BLK: variants seen among roughly 807,000 people sequenced by gnomAD.
BLK encodes tyrosine-protein kinase Blk.
A neutral mutation model predicts 61.8 loss-of-function variants in BLK; 64 were observed. The ratio of observed to expected loss-of-function variants is 1.03; its 90% CI spans 0.85 to 1.27. The LOEUF is 1.27. Ranked by LOEUF, BLK falls within the 50% of genes most tolerant of loss-of-function variation. BLK has a pLI of 0.00. For synonymous variants in BLK, 351 were observed against 272.0 expected (o/e 1.29, Z -2.86); for missense variants, 853 against 660.5 (o/e 1.29, Z -3.19).
intron 1 of BLK, among the ~76,000 whole-genome samples, chr8:11,515,473 C>T (rs747722243): frequency 3.3e-5 from 5 of 152,114 alleles, no homozygotes; most frequent in African/African-American, 4.8e-5. Flanking sequence ...AAGCAGCCGG[C>T]GCACAGGGGT....
chr8:11,508,416 C>T (rs191404481), intron 1 of BLK, among the ~76,000 whole-genome samples: 1 of 152,366 alleles, frequency 6.6e-6, no homozygotes, highest in African/African-American at 2.4e-5. Context: ...CGCTAGGGGG[C>T]TCTGGCACAA....
At chr8:11,510,987 G>C (rs184133755) in intron 1 of BLK, among the ~76,000 whole-genome samples, 4 of 152,158 alleles carry the variant, frequency 2.6e-5, no homozygotes, top group Admixed American at 1.3e-4. Flanking sequence ...ATCCCCGTAA[G>C]CTTTGCATTT....
At chr8:11,528,893 T>TG (rs1315751740) in intron 1 of BLK, among the ~76,000 whole-genome samples, 1 of 152,100 alleles carries the variant, frequency 6.6e-6, no homozygotes, top group East Asian at 1.9e-4. Flanking sequence ...AAGTGGGAGC[T>TG]GAACGGTGAG....
Position 11,556,778 on chromosome 8 carries a change from G to A in BLK, c.893G>A (p.Arg298Gln), listed in dbSNP as rs769774070. 9.3e-6 allele frequency: 15 copies of A among 1,614,078 alleles called. No individual in the cohort carries two copies. Among genetic ancestry groups the A allele is most frequent in the Middle Eastern group, 3.3e-4 (2 of 6,082 alleles). ...MKALQHERLVRLYAVVTKEPI... is the reference protein window; with the variant it reads ...MKALQHERLVQLYAVVTKEPI... ...GCTCTGCAGCACGAGCGGCTGGTCC[G>A]ACTCTACGCAGTGGTCACCAAGGAG... The change falls in exon 9 of 13, where the codon CGA becomes CAA. Residue 298 changes from arginine to glutamine, a missense_variant. Arg to Gln is a conservative substitution (Grantham distance 43, BLOSUM62 1). Transcript: ENST00000259089.
At position 11,495,339 on chromosome 8, in the gene BLK, G is replaced by A. The variant is rs546948027; in HGVS notation, c.-2+748G>A. Among the ~76,000 whole-genome samples, 12 of 152,254 alleles carry A rather than the reference G, an allele frequency of 7.9e-5. No homozygotes were observed. The South Asian group carries it at 1.5e-3, about 18-fold the overall frequency. ...GTAACAGAAGAAATTGCTGTGATAT[G>A]TGCATATCCTCCTCCCTCGGGAGAG... is the stretch of plus-strand genomic sequence containing the variant. On this transcript the variant is annotated intron_variant, in intron 1 of 12. Transcript: ENST00000259089.
At chr8:11,531,144 C>T (rs2264866) in intron 1 of BLK, among the ~76,000 whole-genome samples, 46,261 of 152,070 alleles carry the variant, frequency 0.3, 7,437 homozygotes, top group African/African-American at 0.38. Flanking sequence ...GCTGTCTTCT[C>T]TGTTCAACTG....
chr8:11,555,583 C>A (rs1278405448), intron 8 of BLK, 99 bp downstream of exon 8: 2 of 1,561,070 alleles, frequency 1.3e-6, no homozygotes, highest in East Asian at 2.3e-5. Context: ...ATCCCTCCCC[C>A]AGAAGTCTTG....
At chr8:11,513,415 C>T (rs1799100457) in intron 1 of BLK, among the ~76,000 whole-genome samples, 1 of 152,196 alleles carries the variant, frequency 6.6e-6, no homozygotes, top group Non-Finnish European at 1.5e-5. Flanking sequence ...CTGTGTTACC[C>T]CCAGGCTCCT....
chr8:11,563,841 G>C (rs1801601335), intron 12 of BLK, 62 bp from the exon 13 acceptor site: 4 of 1,506,098 alleles, frequency 2.7e-6, no homozygotes, highest in Non-Finnish European at 3.6e-6. Context: ...GGGACGCTCA[G>C]GGCCCCCCAC....
At position 11,546,037 on chromosome 8, in the gene BLK, T is replaced by A; in HGVS notation, c.124-15T>A. 6.2e-7 allele frequency: 1 copy of A among 1,614,000 alleles called. No individual in the cohort carries two copies. Among genetic ancestry groups the A allele is most frequent in the Non-Finnish European group, 8.5e-7 (1 of 1,179,858 alleles). ...CAGGGACTGAAATAACTCAAGTGTG[T>A]GTTTTCTACCCAAGGTTGTCTTCAA... On this transcript the variant is annotated splice_polypyrimidine_tract_variant and intron_variant, in intron 2 of 12. Coordinates refer to ENST00000259089, the MANE Select transcript of BLK (RefSeq NM_001715.3).
intron 1 of BLK, among the ~76,000 whole-genome samples, chr8:11,517,063 A>G (rs1799258989): frequency 6.6e-6 from 1 of 152,200 alleles, no homozygotes; most frequent in Non-Finnish European, 1.5e-5. Context: ...TAGGGAAGCG[A>G]TGTGATGGGA....
intron 1 of BLK, among the ~76,000 whole-genome samples, chr8:11,535,043 C>T (rs547279733): frequency 2.6e-5 from 4 of 151,870 alleles, no homozygotes; most frequent in African/African-American, 7.3e-5. Context: ...CCAGGCATGG[C>T]AGCACGTGCC....
chr8:11,541,446 G>C (rs1159964526), intron 1 of BLK, among the ~76,000 whole-genome samples: 1 of 151,618 alleles, frequency 6.6e-6, no homozygotes, highest in Admixed American at 6.6e-5. Context: ...ATATTGTATA[G>C]GCACCTGCTA....
chr8:11,518,378 G>A (rs959682344), intron 1 of BLK, among the ~76,000 whole-genome samples: 3 of 152,106 alleles, frequency 2.0e-5, no homozygotes, highest in Admixed American at 1.3e-4. Context: ...GTAGATGCCC[G>A]CTAGATACTG....
intron 1 of BLK, among the ~76,000 whole-genome samples, chr8:11,525,972 C>T (rs1799638023): frequency 1.3e-5 from 2 of 152,262 alleles, no homozygotes; most frequent in South Asian, 4.1e-4. Flanking sequence ...AGGGTTTCAC[C>T]ATGTTGCCCA....
In BLK at chr8:11,506,940, G is replaced by T. The variant is rs1223450950; in HGVS notation, c.-2+12349G>T. Among the ~76,000 whole-genome samples, 2 of 152,232 alleles carry T rather than the reference G, an allele frequency of 1.3e-5. 1 individual carries two copies. The highest frequency in any genetic ancestry group is 3.8e-4 in the East Asian group (2 of 5,200). On this transcript the variant is annotated intron_variant, in intron 1 of 12. Coordinates refer to ENST00000259089, the MANE Select transcript of BLK (RefSeq NM_001715.3). ...TGCATCACGGGCTGAAAGCAGGAAA[G>T]TTCTTTTGTCTCTCTTTCTGCTTTC...
intron 1 of BLK, among the ~76,000 whole-genome samples, chr8:11,497,040 C>T (rs1241627209): frequency 6.6e-6 from 1 of 152,124 alleles, no homozygotes; most frequent in Non-Finnish European, 1.5e-5. Context: ...AACCTGGCCC[C>T]TCTTGCAGGC....
chr8:11,515,115 C>T (rs576263067), intron 1 of BLK, among the ~76,000 whole-genome samples: 1 of 152,322 alleles, frequency 6.6e-6, no homozygotes, highest in East Asian at 1.9e-4. Context: ...CAAGAACTTT[C>T]AGGGTTTTGC....
rs1291970052 is a variant in BLK, at chr8:11,555,491, G to A, written c.772+7G>A. ...TTCGGCGAAGTCTGGATGGGTGAGTGTGTGCACACGTGGGAGCATTTCTCC... is the reference window on the plus strand; with the variant it reads ...TTCGGCGAAGTCTGGATGGGTGAGTATGTGCACACGTGGGAGCATTTCTCC... On this transcript the variant is annotated splice_region_variant and intron_variant, in intron 8 of 12. Coordinates refer to ENST00000259089, the MANE Select transcript of BLK (RefSeq NM_001715.3). 1 of 1,614,110 alleles carries A rather than the reference G, an allele frequency of 6.2e-7. No homozygotes were observed. Among genetic ancestry groups the A allele is most frequent in the African/African-American group, 1.3e-5 (1 of 75,032 alleles).
Sources: allele counts gnomAD v4.1 joint callset (sites outside exome capture counted in the v4.1 genomes callset), GRCh38; gene constraint gnomAD v4.1.1; transcripts MANE v1.5; gene names NCBI Gene and HGNC (gene_info 2026-07-23, HGNC 2026-07-21).